Variants in CCDC38 observed in about 807,000 individuals in gnomAD.
CCDC38 encodes the protein coiled-coil domain containing 38.
CCDC38 carries 69 observed loss-of-function variants against 72.8 expected under a neutral mutation model. The observed-to-expected ratio is 0.95, with a 90% CI of 0.78 to 1.16. The LOEUF (loss-of-function observed/expected upper bound fraction) is 1.16, where lower values mean the gene tolerates loss of function less well. Ranked by LOEUF, CCDC38 falls within the 50% of genes most tolerant of loss-of-function variation. CCDC38 has a pLI of 0.00. For missense variants in CCDC38, 626 were observed against 638.9 expected, an observed-to-expected ratio of 0.98 and a Z score of 0.22; for synonymous variants, 201 against 213.2, an observed-to-expected ratio of 0.94 and a Z score of 0.50.
chr12:95,936,486 T>C lies in CCDC38; in HGVS notation c.24A>G (p.Thr8=), dbSNP rs137936777. 839 of 1,612,826 alleles carry C rather than the reference T, an allele frequency of 5.2e-4. 4 individuals carry two copies. In the African/African-American group the frequency reaches 0.01, roughly 20 times the overall value. MSSNLLP[T]LNSGGKVKDG... ...ATTTCTTTTTACCTCCAGAATTCAG[T>C]GTTGGCAATAAATTTGAGGACATTT... The change falls in exon 2 of 16, where the codon ACA becomes ACG. Residue 8 remains threonine, a synonymous_variant. Transcript: ENST00000344280.
intron 5 of CCDC38, among the ~76,000 whole-genome samples, chr12:95,899,658 T>C (rs941617355): frequency 6.6e-6 from 1 of 152,136 alleles, no homozygotes; most frequent in Non-Finnish European, 1.5e-5. Flanking sequence ...GCCACATACA[T>C]AATATAAATG....
rs1356328878 is a variant in CCDC38, at chr12:95,890,853, A to G, written c.850T>C (p.Ser284Pro). ...TTACCTTGGCTGTCTCTTCCCTGAGAAGCATCTTCTGAAAGGACAGCTGTC... is the reference window on the plus strand; with the variant it reads ...TTACCTTGGCTGTCTCTTCCCTGAGGAGCATCTTCTGAAAGGACAGCTGTC... The part of the protein sequence containing the change: ...GRTAVLSEDA[S>P]QGRDSQGKPS... The change falls in exon 9 of 16, where the codon TCT (serine) becomes CCT (proline). Residue 284 changes from serine to proline, a missense_variant. Physicochemically the swap from Ser to Pro is moderately conservative, Grantham distance 74. Transcript: ENST00000344280. 7.5e-6 allele frequency: 12 copies of G among 1,603,534 alleles called. No homozygotes were observed. In the East Asian group the frequency reaches 2.7e-4, roughly 36 times the overall value.
intron 8 of CCDC38, among the ~76,000 whole-genome samples, chr12:95,892,859 A>G (rs1240802518): frequency 2.0e-5 from 3 of 152,048 alleles, no homozygotes; most frequent in Non-Finnish European, 4.4e-5. Flanking sequence ...ATGAGCCACC[A>G]CACCCGGACT....
intron 8 of CCDC38, among the ~76,000 whole-genome samples, chr12:95,892,951 A>G (rs1328528694): frequency 2.0e-5 from 3 of 152,150 alleles, no homozygotes; most frequent in Non-Finnish European, 4.4e-5. Flanking sequence ...TGTTTCAATT[A>G]CTGAGACTCC....
intron 13 of CCDC38, among the ~76,000 whole-genome samples, chr12:95,873,305 G>A (rs971465318): frequency 3.3e-5 from 5 of 152,080 alleles, no homozygotes; most frequent in South Asian, 2.1e-4. Context: ...ACATAACTAC[G>A]CACTGAATAA....
intron 7 of CCDC38, chr12:95,896,776 G>A (rs910244972): frequency 6.6e-6 from 1 of 152,084 alleles, no homozygotes; most frequent in Admixed American, 6.5e-5. Context: ...AGCACCTGCT[G>A]CCCTTGCTCC....
chr12:95,941,691 G>A (rs2080452555), intron 1 of CCDC38, among the ~76,000 whole-genome samples: 1 of 152,116 alleles, frequency 6.6e-6, no homozygotes, highest in South Asian at 2.1e-4. Flanking sequence ...ATATTTCTCT[G>A]TGAATTAGTG....
rs1431980065 is a variant in CCDC38, at chr12:95,873,731, CAA to C, written c.1279-1273_1279-1272del. On this transcript the variant is annotated intron_variant, in intron 13 of 15. Transcript: ENST00000344280. Reference sequence around the variant, plus strand: ...CATAAAGCCAGCGACAAATAACACTCAAGAGAGAGGTGGCTCCTGGAGCCATG... The same window carrying C: ...CATAAAGCCAGCGACAAATAACACTCGAGAGAGGTGGCTCCTGGAGCCATG... Among the ~76,000 whole-genome samples, 6 of 152,332 alleles carry C rather than the reference CAA, an allele frequency of 3.9e-5. No individual in the cohort carries two copies. The South Asian group carries it at 8.3e-4, about 21-fold the overall frequency.
intron 5 of CCDC38, among the ~76,000 whole-genome samples, chr12:95,905,951 G>A (rs1351649371): frequency 1.3e-5 from 2 of 152,162 alleles, no homozygotes; most frequent in Non-Finnish European, 2.9e-5. Context: ...AAGCTGGAGG[G>A]ATTCTAGAAT....
intron 1 of CCDC38, among the ~76,000 whole-genome samples, chr12:95,941,344 T>C (rs1430192243): frequency 6.6e-6 from 1 of 152,216 alleles, no homozygotes; most frequent in East Asian, 1.9e-4. Context: ...CGAATAATAG[T>C]AATAATACCT....
chr12:95,914,153 G>A (rs1343870008), intron 4 of CCDC38, among the ~76,000 whole-genome samples: 2 of 152,072 alleles, frequency 1.3e-5, no homozygotes, highest in Admixed American at 6.5e-5. Flanking sequence ...GCAAAACCTC[G>A]TCTCTACTAA....
chr12:95,912,652 G>A (rs1318493500), intron 4 of CCDC38, among the ~76,000 whole-genome samples: 1 of 152,176 alleles, frequency 6.6e-6, no homozygotes, highest in East Asian at 1.9e-4. Flanking sequence ...AATGTTTGAG[G>A]TGATGAATAT....
rs560610141 is a variant in CCDC38, at chr12:95,918,916, A to C, written c.98T>G (p.Leu33Arg). 2 of 1,612,764 alleles carry C rather than the reference A, an allele frequency of 1.2e-6. No individual in the cohort carries two copies. Among genetic ancestry groups the C allele is most frequent in the East Asian group, 4.5e-5 (2 of 44,874 alleles). The part of the protein sequence containing the change: ...DRPYKIFFRD[L>R]FLVKENEMAA... ...CATTTCATTTTCTTTGACAAGAAAG[A>C]GATCTCTGAAAAAGATCTTATAAGG... Residue 33 changes from leucine to arginine, a missense_variant, in exon 3 of 16, where the codon CTC becomes CGC. Leu to Arg is a moderately radical substitution (Grantham distance 102, BLOSUM62 -2). Coordinates refer to ENST00000344280, the MANE Select transcript of CCDC38 (RefSeq NM_182496.3).
At chr12:95,935,821 G>A (rs2136745672) in intron 2 of CCDC38, among the ~76,000 whole-genome samples, 1 of 152,308 alleles carries the variant, frequency 6.6e-6, no homozygotes, top group Non-Finnish European at 1.5e-5. Context: ...GCTCATGCCT[G>A]TAATCCCAGG....
At chr12:95,869,196 A>C (rs183165003) in intron 15 of CCDC38, among the ~76,000 whole-genome samples, 1 of 152,224 alleles carries the variant, frequency 6.6e-6, no homozygotes, top group African/African-American at 2.4e-5. Context: ...CTTTTAATCT[A>C]TTCCAAAAAA....
chr12:95,878,180 A>T, intron 13 of CCDC38, 31 bp downstream of exon 13: 3 of 1,609,148 alleles, frequency 1.9e-6, no homozygotes, highest in Non-Finnish European at 1.7e-6. Flanking sequence ...ATGAGCCAAA[A>T]TGAAATCACC....
chr12:95,888,571 A>T (rs2079786315), intron 9 of CCDC38, 65 bp from the exon 10 acceptor site: 12 of 1,475,006 alleles, frequency 8.1e-6, no homozygotes, highest in Non-Finnish European at 1.1e-5. Flanking sequence ...AATAACATGG[A>T]ATTAGAAATG....
At chr12:95,912,109 C>G (rs1174460522) in intron 4 of CCDC38, among the ~76,000 whole-genome samples, 1 of 152,150 alleles carries the variant, frequency 6.6e-6, no homozygotes, top group African/African-American at 2.4e-5. Flanking sequence ...TGAATTAACA[C>G]AGAAACAGAA....
At chr12:95,939,026 T>C (rs1297986869) in intron 1 of CCDC38, among the ~76,000 whole-genome samples, 2 of 152,240 alleles carry the variant, frequency 1.3e-5, no homozygotes, top group African/African-American at 4.8e-5. Flanking sequence ...ATTAAGAACA[T>C]AGACTCTCTC....
Sources: allele counts gnomAD v4.1 joint callset (sites outside exome capture counted in the v4.1 genomes callset), GRCh38; gene constraint gnomAD v4.1.1; transcripts MANE v1.5; gene names NCBI Gene and HGNC (gene_info 2026-07-23, HGNC 2026-07-21).